ZBTB25: variants seen among roughly 807,000 people sequenced by gnomAD.
ZBTB25 encodes zinc finger and BTB domain containing 25, also known as zinc finger and BTB domain-containing protein 25.
Under a neutral mutation model 34.2 loss-of-function variants are expected in ZBTB25, and 20 were observed. That is an observed-to-expected ratio of 0.58 (90% CI 0.41 to 0.85). The LOEUF is 0.85. ZBTB25 is among the 40% of genes least tolerant of loss of function. The probability of loss-of-function intolerance (pLI) is 0.00; values close to 1 mark genes in which losing one functional copy is unlikely to be tolerated. For missense variants in ZBTB25, 437 were observed against 521.8 expected (o/e 0.84, Z 1.58); for synonymous variants, 175 against 186.4 (o/e 0.94, Z 0.50).
upstream of ZBTB25, chr14:64,503,967 A>T (rs952188689): frequency 2.0e-5 from 3 of 151,816 alleles, no homozygotes; most frequent in African/African-American, 2.4e-5. Flanking sequence ...CGCAGTTGTG[A>T]CTCTGTAGGC....
chr14:64,500,820 G>A (rs2079467276), intron 1 of ZBTB25, among the ~76,000 whole-genome samples: 1 of 152,192 alleles, frequency 6.6e-6, no homozygotes, highest in Admixed American at 6.5e-5. Context: ...GGAGGCCAAG[G>A]TGGGCGGATC....
intron 2 of ZBTB25, chr14:64,468,246 TA>T: frequency 1.5e-6 from 1 of 654,242 alleles, no homozygotes; most frequent in Non-Finnish European, 2.4e-6. Flanking sequence ...AGAAACCACC[TA>T]AAACAACTGT....
chr14:64,454,391 G>T (rs1277594190), intron 2 of ZBTB25, among the ~76,000 whole-genome samples: 1 of 152,096 alleles, frequency 6.6e-6, no homozygotes, highest in African/African-American at 2.4e-5. Flanking sequence ...GGAATTTATA[G>T]GCATGAACCA....
intron 2 of ZBTB25, among the ~76,000 whole-genome samples, chr14:64,450,091 G>C (rs752679662): frequency 2.0e-5 from 3 of 152,142 alleles, no homozygotes; most frequent in Non-Finnish European, 4.4e-5. Flanking sequence ...CGTCCGCCCA[G>C]ACAGCCTTCT....
At chr14:64,476,507 A>T (rs1257877141), downstream of ZBTB25, among the ~76,000 whole-genome samples, 1 of 152,126 alleles carries the variant, frequency 6.6e-6, no homozygotes, top group Non-Finnish European at 1.5e-5. Flanking sequence ...CTTTTTAGGA[A>T]AGACGGGGTT....
intron 2 of ZBTB25, chr14:64,462,937 A>C (rs1452070297): frequency 1.3e-5 from 2 of 152,206 alleles, no homozygotes; most frequent in East Asian, 3.9e-4. Context: ...CAATGGGTAG[A>C]GATCAAGATG....
At chr14:64,493,013 A>T (rs1210860534) in intron 1 of ZBTB25, among the ~76,000 whole-genome samples, 4 of 152,234 alleles carry the variant, frequency 2.6e-5, no homozygotes, top group African/African-American at 9.6e-5. Flanking sequence ...AAACAAGGCC[A>T]GGCAGAAAAA....
chr14:64,474,113 G>A (rs558578304), downstream of ZBTB25: 20 of 167,244 alleles, frequency 1.2e-4, no homozygotes, highest in African/African-American at 4.6e-4. Flanking sequence ...GTTGGGTTAA[G>A]GCAAAGAGCC....
intron 2 of ZBTB25, chr14:64,469,354 T>C (rs2078643802): frequency 1.2e-6 from 2 of 1,613,898 alleles, no homozygotes; most frequent in Non-Finnish European, 1.7e-6. Flanking sequence ...TTAAAGAAAA[T>C]GGGATCACTG....
chr14:64,468,602 G>A, intron 2 of ZBTB25: 1 of 1,613,878 alleles, frequency 6.2e-7, no homozygotes. Flanking sequence ...AGGAGCTTCT[G>A]ATCAGCCAGA....
intron 2 of ZBTB25, among the ~76,000 whole-genome samples, chr14:64,452,768 TTATG>T (rs1444536856): frequency 6.6e-6 from 1 of 152,230 alleles, no homozygotes; most frequent in African/African-American, 2.4e-5. Flanking sequence ...AGACTGGGAG[TTATG>T]TAGATGGACA....
downstream of ZBTB25, among the ~76,000 whole-genome samples, chr14:64,477,321 T>C (rs975924208): frequency 2.0e-5 from 3 of 152,190 alleles, no homozygotes; most frequent in African/African-American, 4.8e-5. Context: ...GCTCTGAGCA[T>C]AGCCACCAGT....
chr14:64,487,648 C>A lies in ZBTB25; in HGVS notation c.583G>T (p.Glu195Ter). The change falls in exon 3 of 3, where the codon GAG (glutamate) becomes TAG (stop). Residue 195 changes from glutamate (E) to a stop codon, truncating the protein, a stop_gained. Transcript: ENST00000608382. LOFTEE classifies it high-confidence loss of function. ...RACPATQALE[E>*]HQKPPVSIKQ... ...ATGGAAACTGGGGGCTTCTGGTGCT[C>A]CTCCAGGGCCTGGGTGGCAGGACAG... The A allele has an allele frequency of 6.2e-7, 1 of 1,604,930 alleles. No individual in the cohort carries two copies. The highest frequency in any genetic ancestry group is 8.5e-7 in the Non-Finnish European group (1 of 1,175,842).
intron 2 of ZBTB25, among the ~76,000 whole-genome samples, chr14:64,455,364 C>T (rs79409906): frequency 0.025 from 3,758 of 152,152 alleles, 52 homozygotes; most frequent in Middle Eastern, 0.054. Flanking sequence ...CAAATGGACC[C>T]TTGAGATATG....
At chr14:64,475,281 T>C (rs918622898), downstream of ZBTB25, among the ~76,000 whole-genome samples, 12 of 151,808 alleles carry the variant, frequency 7.9e-5, no homozygotes, top group Non-Finnish European at 1.6e-4. Context: ...CTACTAAAAA[T>C]ACAAAAAATT....
chr14:64,490,171 G>C (rs1044166684), intron 2 of ZBTB25, among the ~76,000 whole-genome samples, 190 bp downstream of exon 2: 4 of 120,082 alleles, frequency 3.3e-5, no homozygotes, highest in Admixed American at 2.0e-4. Flanking sequence ...CTGAACCATT[G>C]CACTCCAGCC....
intron 1 of ZBTB25, among the ~76,000 whole-genome samples, chr14:64,499,012 G>C (rs768599382): frequency 7.9e-5 from 12 of 152,032 alleles, no homozygotes; most frequent in Admixed American, 4.6e-4. Context: ...AGAAGAACAC[G>C]GGACCAAGGA....
chr14:64,489,843 TATTCTTATTTTC>T (rs1334072522), intron 2 of ZBTB25, among the ~76,000 whole-genome samples: 1 of 151,718 alleles, frequency 6.6e-6, no homozygotes, highest in African/African-American at 2.4e-5. Context: ...CAATTTTAGC[TATTCTTATTTTC>T]ATTCTTATTT....
rs1440421137 is a variant in ZBTB25 at position 64,490,592 on chromosome 14, TA to T, written c.-7-53del. The T allele has an allele frequency of 7.1e-6, 10 of 1,403,738 alleles. No individual in the cohort carries two copies. The Admixed American group carries it at 1.1e-4, about 16-fold the overall frequency. The allele number at this position is 1,403,738 out of a possible 1,614,324, so 87.0% of individuals were successfully genotyped here. A position where few individuals can be genotyped will look rare whatever the true frequency, so the allele number is the denominator to read the frequency against. ...GATAGGTGTGTATGTATATACGCAT[TA>T]TTTTTTATTAATACAAAATTGTCTA... On this transcript the variant is annotated intron_variant, in intron 1 of 2. Transcript: ENST00000608382.
Sources: allele counts gnomAD v4.1 joint callset (sites outside exome capture counted in the v4.1 genomes callset), GRCh38; gene constraint gnomAD v4.1.1; transcripts MANE v1.5; gene names NCBI Gene and HGNC (gene_info 2026-07-23, HGNC 2026-07-21).